The following GAS5 variants were observed in gnomAD, a reference collection of about 807,000 sequenced individuals.
GAS5 encodes growth arrest specific 5 (non-protein coding).
chr1:173,867,844 G>T, upstream of GAS5: 2 of 490,318 alleles, frequency 4.1e-6, no homozygotes, highest in South Asian at 2.9e-5. Context: ...TCCTCAACTT[G>T]TAGGCCCTGC....
At chr1:173,867,647 T>C (rs778531202), upstream of GAS5, 1 of 518,828 alleles carries the variant, frequency 1.9e-6, no homozygotes, top group South Asian at 1.4e-5. Context: ...CCCTTAACAA[T>C]AGCTTACTCG....
chr1:173,865,327 A>G (rs972085316), intron 6 of GAS5: 1 of 489,142 alleles, frequency 2.0e-6, no homozygotes, highest in Non-Finnish European at 4.1e-6. Context: ...TAATAGGTGG[A>G]TTTCTAAAAG....
chr1:173,864,995 G>T (rs748801616), intron 6 of GAS5: 1 of 480,972 alleles, frequency 2.1e-6, no homozygotes, highest in East Asian at 5.6e-5. Context: ...AGTGCGGGCA[G>T]TATCACTTGA....
At chr1:173,866,045 T>C (rs371808067) in intron 4 of GAS5, 37 of 519,042 alleles carry the variant, frequency 7.1e-5, no homozygotes, top group African/African-American at 6.7e-4. Flanking sequence ...TTACAAACTT[T>C]CTTATTAATC....
At chr1:173,866,997 A>G (rs1397326468) in exon 1 of GAS5, 21 of 765,464 alleles carry the variant, frequency 2.7e-5, no homozygotes, top group South Asian at 1.3e-4. Context: ...TTACCTGTCC[A>G]TAAGGTGCTA....
chr1:173,864,745 C>T (rs941011090), intron 6 of GAS5: 6 of 507,454 alleles, frequency 1.2e-5, no homozygotes, highest in African/African-American at 1.2e-4. Flanking sequence ...AACTTGCATA[C>T]AATTAGGAGT....
At chr1:173,866,802 AAAC>A in intron 1 of GAS5, 1 of 765,224 alleles carries the variant, frequency 1.3e-6, no homozygotes. Flanking sequence ...CACAACTAGA[AAAC>A]AAAAAGATGC....
At chr1:173,865,797 G>A (rs1654505770) in intron 5 of GAS5, 5 of 516,648 alleles carry the variant, frequency 9.7e-6, no homozygotes, top group South Asian at 7.0e-5. Flanking sequence ...TAGCTCAGCA[G>A]TAAGCATATC....
At chr1:173,866,876 T>C (rs765385627) in intron 1 of GAS5, 13 of 765,344 alleles carry the variant, frequency 1.7e-5, no homozygotes, top group Non-Finnish European at 3.1e-5. Context: ...CTGTTAACAT[T>C]AAAGCCTCAG....
chr1:173,866,194 TTC>T, exon 4 of GAS5: 1 of 470,748 alleles, frequency 2.1e-6, no homozygotes, highest in South Asian at 1.5e-5. Context: ...ACTTCCAGCT[TTC>T]TGTCTAATGC....
At chr1:173,866,484 T>C (rs1429827480) in intron 3 of GAS5, 1 of 653,480 alleles carries the variant, frequency 1.5e-6, no homozygotes, top group South Asian at 1.5e-5. Flanking sequence ...TTGGCTATTT[T>C]CTAATCCCTT....
chr1:173,864,589 C>A, intron 6 of GAS5: 1 of 377,162 alleles, frequency 2.7e-6, no homozygotes. Context: ...TTTTAAACAG[C>A]TAATCACTCC....
chr1:173,865,711 G>A (rs1654488576), intron 5 of GAS5: 1 of 519,018 alleles, frequency 1.9e-6, no homozygotes. Flanking sequence ...ACATGCTCAA[G>A]GAAAACACAT....
intron 6 of GAS5, chr1:173,864,942 G>C (rs1404067935): frequency 1.2e-5 from 6 of 514,780 alleles, no homozygotes; most frequent in African/African-American, 1.2e-4. Flanking sequence ...CTTGAGGCGG[G>C]GCATGGTGGC....
chr1:173,866,423 C>T (rs1047942236), intron 3 of GAS5: 6 of 581,596 alleles, frequency 1.0e-5, no homozygotes, highest in Non-Finnish European at 2.0e-5. Flanking sequence ...GAGCAAAATT[C>T]TCATTTGAAA....
upstream of GAS5, chr1:173,867,998 G>C (rs1655092554): frequency 6.2e-6 from 2 of 320,344 alleles, no homozygotes; most frequent in Non-Finnish European, 1.3e-5. Flanking sequence ...AGACAGTATG[G>C]TGCCTGGGCT....
chr1:173,864,987 T>C, intron 6 of GAS5: 1 of 491,654 alleles, frequency 2.0e-6, no homozygotes, highest in South Asian at 1.4e-5. Context: ...GGGAGGTCAG[T>C]GCGGGCAGTA....
chr1:173,866,265 A>G (rs1654603167), intron 3 of GAS5: 1 of 504,484 alleles, frequency 2.0e-6, no homozygotes, highest in Non-Finnish European at 4.0e-6. Context: ...TTGGTGGTAC[A>G]CTGCTTAACC....
chr1:173,865,457 A>T (rs1272165708), intron 6 of GAS5: 1 of 511,088 alleles, frequency 2.0e-6, no homozygotes. Context: ...CGTTAACATC[A>T]ATAAAACATG....
Sources: gnomAD v4.1 joint callset for allele counts on GRCh38, gnomAD v4.1.1 for gene constraint, MANE v1.5 for transcripts, NCBI Gene and HGNC (gene_info 2026-07-23, HGNC 2026-07-21) for gene names.